NET1: variants seen among roughly 807,000 people sequenced by gnomAD.
NET1 encodes the protein neuroepithelial cell-transforming gene 1 protein.
A neutral mutation model predicts 61.1 loss-of-function variants in NET1; 42 were observed. The ratio of observed to expected loss-of-function variants is 0.69; its 90% CI spans 0.54 to 0.89. The LOEUF is 0.89. NET1 is among the 40% of genes least tolerant of loss of function. The probability of loss-of-function intolerance (pLI) is 0.00; values close to 1 mark genes in which losing one functional copy is unlikely to be tolerated. For synonymous variants in NET1, 254 were observed against 281.8 expected, an observed-to-expected ratio of 0.90 and a Z score of 0.99; for missense variants, 654 against 747.3, an observed-to-expected ratio of 0.88 and a Z score of 1.46.
At chr10:5,413,181 C>T (rs1294305470) in intron 1 of NET1, among the ~76,000 whole-genome samples, 1 of 152,086 alleles carries the variant, frequency 6.6e-6, no homozygotes, top group African/African-American at 2.4e-5. Flanking sequence ...TGAGTCTCCT[C>T]GCCTCCTGAC....
In NET1 at chr10:5,453,739, AC is replaced by A. The variant is rs898568998; in HGVS notation, c.768+180del. 9.2e-5 allele frequency among the ~76,000 whole-genome samples: 14 copies of A among 152,000 alleles called. No homozygotes were observed. The highest frequency in any genetic ancestry group is 2.1e-4 in the South Asian group (1 of 4,814). On this transcript the variant is annotated intron_variant, in intron 8 of 11. Transcript: ENST00000355029. This position sits in a 1 kb window ranked among gnomAD's most constrained non-coding sequence, Gnocchi z 4.9. ...ACAGTCTGTTTAAAAAAAAAAAAAA[AC>A]ACCTTCATTAATGCTATAGGTTCAT...
chr10:5,453,288 A>G lies in NET1; in HGVS notation c.633A>G (p.Ser211=). 2.5e-6 allele frequency: 4 copies of G among 1,612,816 alleles called. No homozygotes were observed. The highest frequency in any genetic ancestry group is 3.4e-6 in the Non-Finnish European group (4 of 1,178,824). ...HDPMLKLSIM[S]EEELTHIFGD... ...CCATGTTAAAGTTGTCCATCATGTC[A>G]GAAGAGGAACTCACACATATATTTG... Residue 211 remains serine (S), a synonymous_variant, in exon 7 of 12, where the codon TCA becomes TCG. Transcript: ENST00000355029. The surrounding 1 kb of genome is among the most constrained non-coding windows in gnomAD (Gnocchi z 4.9).
At chr10:5,419,841 T>C (rs1160411760) in intron 1 of NET1, among the ~76,000 whole-genome samples, 3 of 152,112 alleles carry the variant, frequency 2.0e-5, no homozygotes, top group Non-Finnish European at 4.4e-5. Context: ...GAATGTGTTA[T>C]CACACTGCTT....
intron 3 of NET1, among the ~76,000 whole-genome samples, chr10:5,433,607 C>G (rs1360133794): frequency 6.6e-6 from 1 of 152,126 alleles, no homozygotes; most frequent in East Asian, 1.9e-4. Context: ...CATGGCTCAC[C>G]TTTTCTTTCA....
chr10:5,445,178 T>C (rs4466726), intron 3 of NET1, among the ~76,000 whole-genome samples: 148,758 of 152,330 alleles, frequency 0.98, 72,733 homozygotes, highest in East Asian at 1. Context: ...CAGCCCGTGA[T>C]CTCAGTGTGG....
Position 5,456,130 on chromosome 10 carries a change from G to T in NET1, c.1241G>T (p.Arg414Leu), listed in dbSNP as rs199808307. The change falls in exon 11 of 12, where the codon CGG becomes CTG. Residue 414 changes from arginine (R) to leucine (L), a missense_variant. Physicochemically the swap from Arg to Leu is moderately radical, Grantham distance 102. Coordinates refer to ENST00000355029, the MANE Select transcript of NET1 (RefSeq NM_001047160.3). This position sits in a 1 kb window ranked among gnomAD's most constrained non-coding sequence, Gnocchi z 7.0. ...FLFQDILVLT[R>L]PVTRNERHSY... ...TTTCAAGACATCTTGGTTCTGACTC[G>T]GCCCGTCACACGGAACGAACGGCAC... 6.2e-7 allele frequency: 1 copy of T among 1,613,946 alleles called. No homozygotes were observed. Among genetic ancestry groups the T allele is most frequent in the Non-Finnish European group, 8.5e-7 (1 of 1,179,942 alleles).
At position 5,421,812 on chromosome 10, in the gene NET1, C is replaced by G. The variant is rs1011050543; in HGVS notation, c.129-4843C>G. ...ACCCCAGCCCTAGGCAGCCACTGAT[C>G]TGCTTTCTAGCTCTATAAATTTCTA... On this transcript the variant is annotated intron_variant, in intron 1 of 11. Coordinates refer to ENST00000355029, the MANE Select transcript of NET1 (RefSeq NM_001047160.3). The surrounding 1 kb of genome is among the most constrained non-coding windows in gnomAD (Gnocchi z 4.2). Among the ~76,000 whole-genome samples the G allele has an allele frequency of 6.6e-6, 1 of 152,216 alleles. No homozygotes were observed. The highest frequency in any genetic ancestry group is 1.5e-5 in the Non-Finnish European group (1 of 68,030).
rs139037982 is a variant in NET1 at position 5,456,150 on chromosome 10, C to T, written c.1261C>T (p.Arg421Trp). The change falls in exon 11 of 12, where the codon CGG becomes TGG. Residue 421 changes from arginine to tryptophan, a missense_variant. Coordinates refer to ENST00000355029, the MANE Select transcript of NET1 (RefSeq NM_001047160.3). The surrounding 1 kb of genome is among the most constrained non-coding windows in gnomAD (Gnocchi z 7.0). ...GACTCGGCCCGTCACACGGAACGAA[C>T]GGCACTCTTACCAGGTTTACCGGCA... ...VLTRPVTRNE[R>W]HSYQVYRQPI... is the part of the protein sequence containing the mutation. 2.5e-6 allele frequency: 4 copies of T among 1,614,190 alleles called. No homozygotes were observed. Among genetic ancestry groups the T allele is most frequent in the South Asian group, 1.1e-5 (1 of 91,086 alleles).
In NET1 at chr10:5,415,141, GAA is replaced by G. The variant is rs1469672672; in HGVS notation, c.128+2325_128+2326del. Among the ~76,000 whole-genome samples, 1 of 152,154 alleles carries G rather than the reference GAA, an allele frequency of 6.6e-6. No homozygotes were observed. Among genetic ancestry groups the G allele is most frequent in the Non-Finnish European group, 1.5e-5 (1 of 68,026 alleles). On this transcript the variant is annotated intron_variant, in intron 1 of 11. Transcript: ENST00000355029. The surrounding 1 kb of genome is among the most constrained non-coding windows in gnomAD (Gnocchi z 4.7). ...CTGTATCAGATTCAGAAATCATAAG[GAA>G]AAAGATTTGTGTGTATGATTATGTG...
rs139457660 is a variant in NET1, at chr10:5,448,218, G to A, written c.256-3612G>A. On this transcript the variant is annotated intron_variant, in intron 3 of 11. Transcript: ENST00000355029. ...CAGTGTCTTGATATGATTGGTTATA[G>A]AAGAGACCCTCCTAAAATATGTTCT... Among the ~76,000 whole-genome samples the A allele has an allele frequency of 6.7e-4, 102 of 152,284 alleles. 3 individuals carry two copies. In the East Asian group the frequency reaches 0.018, roughly 27 times the overall value.
chr10:5,451,797 A>G lies in NET1; in HGVS notation c.256-33A>G. On this transcript the variant is annotated intron_variant, in intron 3 of 11. Coordinates refer to ENST00000355029, the MANE Select transcript of NET1 (RefSeq NM_001047160.3). The surrounding 1 kb of genome is among the most constrained non-coding windows in gnomAD (Gnocchi z 6.1). ...TTGTATGAAATCATTGCACCTAGAC[A>G]TATATTTAGTGTCATCTGGTTTGTT... The G allele has an allele frequency of 1.9e-6, 3 of 1,546,762 alleles. No homozygotes were observed. The highest frequency in any genetic ancestry group is 2.7e-6 in the Non-Finnish European group (3 of 1,120,782).
Position 5,412,910 on chromosome 10 carries a change from CG to C in NET1, c.128+96del. 1.5e-5 allele frequency: 2 copies of C among 132,352 alleles called. No individual in the cohort carries two copies. Among genetic ancestry groups the C allele is most frequent in the Non-Finnish European group, 2.7e-5 (2 of 74,364 alleles). 8.2% of individuals were successfully genotyped at this position (132,352 alleles called of 1,614,324 possible). On this transcript the variant is annotated intron_variant, in intron 1 of 11. Transcript: ENST00000355029. The surrounding 1 kb of genome is among the most constrained non-coding windows in gnomAD (Gnocchi z 6.5). ...AGGTGAGTGTTGGAGAGGCAAGGGC[CG>C]GGGGGAGGGGAGGGCTGGCCGGGAG...
At chr10:5,436,183 GTGTTGTGTGTGTGTGT>G (rs1564462679) in intron 3 of NET1, among the ~76,000 whole-genome samples, 1 of 42,710 alleles carries the variant, frequency 2.3e-5, no homozygotes, top group African/African-American at 9.2e-5. Flanking sequence ...GTGTGTGTGT[GTGTTGTGTGTGTGTGT>G]GTGTGTGTGT....
rs771665734 is a variant in NET1, at chr10:5,415,066, G to A, written c.128+2246G>A. On this transcript the variant is annotated intron_variant, in intron 1 of 11. Coordinates refer to ENST00000355029, the MANE Select transcript of NET1 (RefSeq NM_001047160.3). This position sits in a 1 kb window ranked among gnomAD's most constrained non-coding sequence, Gnocchi z 4.7. ...GATGTAAGATCATCTACAAGAATAC[G>A]TAAAATATTACAAGATAGTATTAAT... is the stretch of plus-strand genomic sequence containing the variant. Among the ~76,000 whole-genome samples the A allele has an allele frequency of 1.2e-4, 18 of 152,082 alleles. No individual in the cohort carries two copies. The highest frequency in any genetic ancestry group is 2.1e-4 in the South Asian group (1 of 4,814).
rs368111042 is a variant in NET1, at chr10:5,454,270, G to A, written c.774G>A (p.Pro258=). 209 of 1,610,872 alleles carry A rather than the reference G, an allele frequency of 1.3e-4. No individual in the cohort carries two copies. Among genetic ancestry groups the A allele is most frequent in the Middle Eastern group, 1.6e-4 (1 of 6,066 alleles). The stretch of plus-strand genomic sequence containing the variant: ...TTTCTTTTATTACTCTTCAGTTACC[G>A]CGCTTGAATGCCTACAGAGGTTACT... ...QIGHILVSWL[P]RLNAYRGYCS... Residue 258 remains proline (P), a synonymous_variant, in exon 9 of 12, where the codon CCG becomes CCA. Coordinates refer to ENST00000355029, the MANE Select transcript of NET1 (RefSeq NM_001047160.3). This position sits in a 1 kb window ranked among gnomAD's most constrained non-coding sequence, Gnocchi z 8.1.
At position 5,420,773 on chromosome 10, in the gene NET1, T is replaced by A. The variant is rs1748653132; in HGVS notation, c.129-5882T>A. ...ACCACGCCCAGCTAATTTTTGTATT[T>A]TTAGTAGAGACGGGGTTTCACCATG... On this transcript the variant is annotated intron_variant, in intron 1 of 11. Coordinates refer to ENST00000355029, the MANE Select transcript of NET1 (RefSeq NM_001047160.3). The surrounding 1 kb of genome is among the most constrained non-coding windows in gnomAD (Gnocchi z 5.3). 6.6e-6 allele frequency among the ~76,000 whole-genome samples: 1 copy of A among 152,052 alleles called. No homozygotes were observed. The highest frequency in any genetic ancestry group is 2.1e-4 in the South Asian group (1 of 4,804).
At position 5,440,438 on chromosome 10, in the gene NET1, T is replaced by A. The variant is rs545432354; in HGVS notation, c.255+11209T>A. 1.4e-3 allele frequency among the ~76,000 whole-genome samples: 216 copies of A among 152,334 alleles called. 1 individual carries two copies. The highest frequency in any genetic ancestry group is 4.8e-3 in the African/African-American group (198 of 41,578). On this transcript the variant is annotated intron_variant, in intron 3 of 11. Transcript: ENST00000355029. This position sits in a 1 kb window ranked among gnomAD's most constrained non-coding sequence, Gnocchi z 4.1. ...CAACAGTTGAGGTTGGAACTACCAC[T>A]TAAGTTTACAGTGGTCCACTGTCAT...
At chr10:5,433,833 T>A (rs4881442) in intron 3 of NET1, among the ~76,000 whole-genome samples, 147,359 of 151,906 alleles carry the variant, frequency 0.97, 71,589 homozygotes, top group Non-Finnish European at 1. Context: ...TTATTACTTT[T>A]TCTCAAAACT....
chr10:5,452,619 T>C lies in NET1; in HGVS notation c.531+94T>C, dbSNP rs1564468104. ...TTGGATTTTTGTGTTTGAGCAACAA[T>C]TCCTAATACATGGTGAACAAAACCT... On this transcript the variant is annotated intron_variant, in intron 5 of 11. Coordinates refer to ENST00000355029, the MANE Select transcript of NET1 (RefSeq NM_001047160.3). The surrounding 1 kb of genome is among the most constrained non-coding windows in gnomAD (Gnocchi z 4.0). 8 of 1,303,854 alleles carry C rather than the reference T, an allele frequency of 6.1e-6. No individual in the cohort carries two copies. Among genetic ancestry groups the C allele is most frequent in the Non-Finnish European group, 8.5e-6 (8 of 939,968 alleles). The allele number at this position is 1,303,854 out of a possible 1,614,324, so 80.8% of individuals were successfully genotyped here.
Sources: gnomAD v4.1 joint callset for allele counts (sites outside exome capture counted in the v4.1 genomes callset) on GRCh38, gnomAD v4.1.1 for gene constraint, Gnocchi (gnomAD v3.1) non-coding constraint, MANE v1.5 for transcripts, NCBI Gene and HGNC (gene_info 2026-07-23, HGNC 2026-07-21) for gene names.